The following GRID1 variants were observed in gnomAD, a reference collection of about 807,000 sequenced individuals.
GRID1 encodes the protein glutamate ionotropic receptor delta type subunit 1, also known as glutamate receptor ionotropic, delta-1.
GRID1 carries 28 observed loss-of-function variants against 98.0 expected under a neutral mutation model. The observed-to-expected ratio is 0.29, with a 90% CI of 0.21 to 0.39. The LOEUF is 0.39. GRID1 is among the 10% of genes least tolerant of loss of function. The pLI is 1.00. For synonymous variants in GRID1, 553 were observed against 538.5 expected (o/e 1.03, Z -0.37); for missense variants, 1,111 against 1,340.5 (o/e 0.83, Z 2.67).
rs58261391 is a variant in GRID1, at chr10:85,798,415, G to T, written c.1233+56081C>A. On this transcript the variant is annotated intron_variant, in intron 8 of 15. Transcript: ENST00000327946. ...AGTGGAATTGTCGGATTATATGGTA[G>T]TTCTATTTGTAGTTTTTTGAGGAAA... Among the ~76,000 whole-genome samples the T allele has an allele frequency of 2.6e-3, 394 of 152,316 alleles. 3 individuals carry two copies. The highest frequency in any genetic ancestry group is 8.7e-3 in the African/African-American group (360 of 41,586).
At chr10:86,004,708 CTCTG>C (rs905171074) in intron 4 of GRID1, among the ~76,000 whole-genome samples, 45 of 145,262 alleles carry the variant, frequency 3.1e-4, no homozygotes, top group African/African-American at 1.2e-3. Context: ...CTCTATCTCT[CTCTG>C]TCTCTCTCTC....
At chr10:85,708,086 A>C (rs1841541059) in intron 12 of GRID1, among the ~76,000 whole-genome samples, 2 of 151,206 alleles carry the variant, frequency 1.3e-5, no homozygotes, top group African/African-American at 2.4e-5. Flanking sequence ...CACGTTGTGC[A>C]CGTGTACCCT....
intron 2 of GRID1, among the ~76,000 whole-genome samples, chr10:86,313,287 G>C (rs58805809): frequency 0.098 from 14,951 of 152,254 alleles, 1,183 homozygotes; most frequent in East Asian, 0.48. Context: ...ACCAGGCCAA[G>C]CTCCTCACAC....
intron 2 of GRID1, among the ~76,000 whole-genome samples, chr10:86,332,348 C>G (rs1445148468): frequency 6.6e-6 from 1 of 152,028 alleles, no homozygotes; most frequent in Non-Finnish European, 1.5e-5. Flanking sequence ...GACGGACCCC[C>G]TAGGATTCAG....
intron 4 of GRID1, among the ~76,000 whole-genome samples, chr10:86,116,010 A>G (rs1292753355): frequency 2.0e-5 from 3 of 152,194 alleles, no homozygotes; most frequent in Non-Finnish European, 4.4e-5. Flanking sequence ...GGTTTGTAGC[A>G]TAGGAGCGAT....
At chr10:85,648,347 C>T (rs976431793) in intron 12 of GRID1, among the ~76,000 whole-genome samples, 1 of 152,158 alleles carries the variant, frequency 6.6e-6, no homozygotes, top group Non-Finnish European at 1.5e-5. Context: ...GTACTTGGCT[C>T]AGCGTGTTGA....
intron 8 of GRID1, among the ~76,000 whole-genome samples, chr10:85,767,685 T>G: frequency 6.6e-6 from 1 of 152,208 alleles, no homozygotes; most frequent in South Asian, 2.1e-4. Context: ...GTTGTCTTTT[T>G]GTCTTTTCAT....
chr10:86,177,937 G>A (rs1845600298), intron 3 of GRID1, among the ~76,000 whole-genome samples: 1 of 152,162 alleles, frequency 6.6e-6, no homozygotes, highest in Admixed American at 6.5e-5. Flanking sequence ...GTGAGACAAA[G>A]AGATCCCAGT....
rs535097787 is a variant in GRID1, at chr10:86,355,293, G to A, written c.235+8648C>T. On this transcript the variant is annotated intron_variant, in intron 2 of 15. Coordinates refer to ENST00000327946, the MANE Select transcript of GRID1 (RefSeq NM_017551.3). ...CCTCTTCAGCTCCTGGACACCCCAC[G>A]GATGCTCCAGTGGAGGCATGGGGAA... 2.6e-5 allele frequency among the ~76,000 whole-genome samples: 4 copies of A among 152,230 alleles called. No homozygotes were observed. The East Asian group carries it at 5.8e-4, about 22-fold the overall frequency.
intron 8 of GRID1, among the ~76,000 whole-genome samples, chr10:85,792,313 G>A (rs1161283377): frequency 2.0e-5 from 3 of 152,212 alleles, no homozygotes; most frequent in African/African-American, 7.2e-5. Context: ...TGCAGACAGT[G>A]TTGTCCCCAT....
intron 13 of GRID1, among the ~76,000 whole-genome samples, chr10:85,639,247 A>G (rs924798292): frequency 6.6e-6 from 1 of 152,192 alleles, no homozygotes; most frequent in Admixed American, 6.5e-5. Flanking sequence ...CACACAAAAA[A>G]AGAAGTACTG....
In GRID1 at chr10:85,600,121, A is replaced by T. The variant is rs1199006659; in HGVS notation, c.*2152T>A. The stretch of plus-strand genomic sequence containing the variant: ...AAGGCAGTGAGACCAGAGTTTGATT[A>T]AAAAAATAGAGAGATATATATGTGA... On this transcript the variant is annotated 3_prime_UTR_variant, in exon 16 of 16. Coordinates refer to ENST00000327946, the MANE Select transcript of GRID1 (RefSeq NM_017551.3). 3.9e-5 allele frequency: 6 copies of T among 152,272 alleles called. No individual in the cohort carries two copies. The highest frequency in any genetic ancestry group is 2.6e-4 in the Admixed American group (4 of 15,244). The allele number at this position is 152,272 out of a possible 1,614,324, so 9.4% of individuals were successfully genotyped here.
At chr10:85,673,275 G>A (rs182546595) in intron 12 of GRID1, among the ~76,000 whole-genome samples, 1 of 152,230 alleles carries the variant, frequency 6.6e-6, no homozygotes, top group East Asian at 1.9e-4. Context: ...ATATACTCCT[G>A]GTGAAAATAC....
intron 5 of GRID1, among the ~76,000 whole-genome samples, chr10:85,887,524 A>T (rs1168221230): frequency 2.6e-5 from 4 of 152,222 alleles, no homozygotes; most frequent in African/African-American, 4.8e-5. Context: ...CTCAGGCCCC[A>T]CCCTAAACCT....
chr10:85,613,750 T>C (rs1478370998), intron 14 of GRID1, 103 bp from the exon 15 acceptor site: 9 of 1,359,448 alleles, frequency 6.6e-6, no homozygotes, highest in African/African-American at 4.3e-5. Context: ...ACAGACAACA[T>C]TGAGCCATCC....
intron 8 of GRID1, among the ~76,000 whole-genome samples, chr10:85,850,647 C>T (rs1843049794): frequency 6.6e-6 from 1 of 152,190 alleles, no homozygotes; most frequent in Non-Finnish European, 1.5e-5. Context: ...TGCCTCTCTG[C>T]TCTTGTGGAG....
At chr10:86,116,826 A>G (rs2131956068) in intron 4 of GRID1, among the ~76,000 whole-genome samples, 2 of 152,264 alleles carry the variant, frequency 1.3e-5, no homozygotes, top group Middle Eastern at 6.8e-3. Context: ...AGAATGTAGC[A>G]CAAGCCTTCA....
chr10:85,713,626 C>T (rs1379894205), intron 12 of GRID1, among the ~76,000 whole-genome samples: 1 of 111,850 alleles, frequency 8.9e-6, no homozygotes, highest in Non-Finnish European at 1.9e-5. Context: ...AATTCAATAG[C>T]ACATTAAAAA....
At chr10:85,808,317 G>A (rs1352593382) in intron 8 of GRID1, among the ~76,000 whole-genome samples, 1 of 152,194 alleles carries the variant, frequency 6.6e-6, no homozygotes, top group Non-Finnish European at 1.5e-5. Context: ...ATAAGAGTTT[G>A]TGGTACCAAG....
Sources: gnomAD v4.1 joint callset for allele counts (sites outside exome capture counted in the v4.1 genomes callset) on GRCh38, gnomAD v4.1.1 for gene constraint, MANE v1.5 for transcripts, NCBI Gene and HGNC (gene_info 2026-07-23, HGNC 2026-07-21) for gene names.